Variants in ARID2 observed in about 807,000 individuals in gnomAD.
The protein encoded by ARID2 is AT-rich interactive domain-containing protein 2.
In ARID2, 32 loss-of-function variants were observed where a neutral mutation model predicts 184.6. That is an observed-to-expected ratio of 0.17 (90% CI 0.13 to 0.23). The LOEUF (loss-of-function observed/expected upper bound fraction) is 0.23, where lower values mean the gene tolerates loss of function less well. Ranked by LOEUF, ARID2 falls within the 10% of genes least tolerant of loss-of-function variation. The probability of loss-of-function intolerance (pLI) is 1.00; values close to 1 mark genes in which losing one functional copy is unlikely to be tolerated. For missense variants in ARID2, 1,696 were observed against 2,197.6 expected (o/e 0.77, Z 4.56); for synonymous variants, 836 against 772.6 (o/e 1.08, Z -1.36).
intron 3 of ARID2, among the ~76,000 whole-genome samples, chr12:45,736,974 A>G (rs971051833): frequency 3.3e-5 from 5 of 152,236 alleles, no homozygotes; most frequent in Non-Finnish European, 5.9e-5. Context: ...TTGTGCACCA[A>G]CCTAAGAGAT....
chr12:45,764,423 G>C (rs1053503953), intron 3 of ARID2, among the ~76,000 whole-genome samples: 2 of 152,062 alleles, frequency 1.3e-5, no homozygotes, highest in African/African-American at 4.8e-5. Flanking sequence ...TGCCTTGCAA[G>C]TTTTGACACA....
At chr12:45,825,195 A>G (rs187180333) in intron 6 of ARID2, among the ~76,000 whole-genome samples, 52 of 152,236 alleles carry the variant, frequency 3.4e-4, no homozygotes, top group Admixed American at 3.2e-3. Flanking sequence ...TAGCATGACT[A>G]TAGTTATCAA....
In ARID2 at chr12:45,905,940, C is replaced by CTTTTTTTTT. The variant is rs1362533296; in HGVS notation, c.*865_*873dup. 5.4e-5 allele frequency: 9 copies of CTTTTTTTTT among 166,966 alleles called. No homozygotes were observed. Among genetic ancestry groups the CTTTTTTTTT allele is most frequent in the African/African-American group, 2.0e-4 (7 of 35,832 alleles). The allele number at this position is 166,966 out of a possible 1,614,324, so 10.3% of individuals were successfully genotyped here. On this transcript the variant is annotated 3_prime_UTR_variant, in exon 21 of 21. Coordinates refer to ENST00000334344, the MANE Select transcript of ARID2 (RefSeq NM_152641.4). Reference sequence around the variant, plus strand: ...GAACTGTGATTTTTTTTTCTTTTTTCTTTTTTTTTTTCTTTTTTTTTTTGT... The same window carrying CTTTTTTTTT: ...GAACTGTGATTTTTTTTTCTTTTTTCTTTTTTTTTTTTTTTTTTTTCTTTTTTTTTTTGT...
At chr12:45,789,762 G>A (rs1217250688) in intron 3 of ARID2, 1 of 152,060 alleles carries the variant, frequency 6.6e-6, no homozygotes, top group Non-Finnish European at 1.5e-5. Flanking sequence ...TGTATTTCTG[G>A]AAATTGAACC....
intron 6 of ARID2, among the ~76,000 whole-genome samples, chr12:45,825,904 G>A (rs1942989616): frequency 6.6e-6 from 1 of 151,900 alleles, no homozygotes; most frequent in African/African-American, 2.4e-5. Context: ...CTTTCATGTA[G>A]ATCAGTATGA....
chr12:45,746,144 C>T (rs1941351871), intron 3 of ARID2, among the ~76,000 whole-genome samples: 1 of 150,782 alleles, frequency 6.6e-6, no homozygotes, highest in Admixed American at 6.6e-5. Context: ...TGCTCTGCCA[C>T]CCAGGCTGGA....
intron 4 of ARID2, among the ~76,000 whole-genome samples, chr12:45,812,359 T>C (rs1298791366): frequency 6.6e-6 from 1 of 152,170 alleles, no homozygotes; most frequent in Non-Finnish European, 1.5e-5. Flanking sequence ...TTGTGGACTA[T>C]CATCAGTATC....
chr12:45,782,589 G>A (rs1418026299), intron 3 of ARID2, among the ~76,000 whole-genome samples: 2 of 152,092 alleles, frequency 1.3e-5, no homozygotes, highest in African/African-American at 2.4e-5. Context: ...CCGAGATCGC[G>A]CCATTACACT....
intron 3 of ARID2, among the ~76,000 whole-genome samples, chr12:45,781,981 C>T (rs1942099575): frequency 6.6e-6 from 1 of 151,986 alleles, no homozygotes; most frequent in Non-Finnish European, 1.5e-5. Flanking sequence ...GCTGTTTCCT[C>T]AGTAACTGTT....
At chr12:45,869,440 A>G (rs1022895425) in intron 16 of ARID2, among the ~76,000 whole-genome samples, 3 of 151,522 alleles carry the variant, frequency 2.0e-5, no homozygotes. Context: ...GAGCTTCTTG[A>G]CTTTTCTTCG....
intron 20 of ARID2, among the ~76,000 whole-genome samples, chr12:45,900,055 T>A (rs1476573534): frequency 6.6e-6 from 1 of 151,904 alleles, no homozygotes; most frequent in Non-Finnish European, 1.5e-5. Flanking sequence ...ATGTTTTTCT[T>A]TCTCTTTTTT....
intron 3 of ARID2, among the ~76,000 whole-genome samples, chr12:45,786,205 A>T (rs1047171595): frequency 4.6e-5 from 7 of 152,270 alleles, no homozygotes; most frequent in African/African-American, 1.7e-4. Context: ...AATGAAAAAC[A>T]AAGGTAGTAA....
intron 3 of ARID2, among the ~76,000 whole-genome samples, chr12:45,781,974 G>A (rs1942099347): frequency 6.6e-6 from 1 of 152,096 alleles, no homozygotes; most frequent in African/African-American, 2.4e-5. Context: ...AAAACTTGCT[G>A]TTTCCTCAGT....
intron 5 of ARID2, among the ~76,000 whole-genome samples, 200 bp from the exon 6 acceptor site, chr12:45,821,220 G>A (rs1942888714): frequency 6.6e-6 from 1 of 151,718 alleles, no homozygotes; most frequent in African/African-American, 2.4e-5. Context: ...TAATTTGTAG[G>A]AACACAAATT....
chr12:45,777,744 T>C (rs945486581), intron 3 of ARID2, among the ~76,000 whole-genome samples: 15 of 150,694 alleles, frequency 1.0e-4, no homozygotes, highest in African/African-American at 3.6e-4. Flanking sequence ...TGTCGTAGAT[T>C]ATAGGGACTA....
chr12:45,775,201 T>C (rs1592068591), intron 3 of ARID2, among the ~76,000 whole-genome samples: 2 of 152,364 alleles, frequency 1.3e-5, no homozygotes, highest in South Asian at 4.1e-4. Context: ...TATATTTTCA[T>C]GCTAGTACTT....
intron 3 of ARID2, among the ~76,000 whole-genome samples, chr12:45,755,050 G>A (rs1301595574): frequency 6.6e-6 from 1 of 152,196 alleles, no homozygotes; most frequent in African/African-American, 2.4e-5. Context: ...AGTCTGTACA[G>A]TGTATTTTAA....
chr12:45,811,544 T>C lies in ARID2; in HGVS notation c.411T>C (p.Ser137=), dbSNP rs202109070. Residue 137 remains serine (S), a synonymous_variant, in exon 4 of 21, where the codon AGT becomes AGC. Transcript: ENST00000334344. ...CTTCCTACAATTACCAGCAACACAG[T>C]GTGTCGGGTAAATATCACTGCAAAT... ...IPSSYNYQQH[S]VSDYLRQSYG... 1.7e-5 allele frequency: 27 copies of C among 1,612,544 alleles called. No individual in the cohort carries two copies. Among genetic ancestry groups the C allele is most frequent in the Admixed American group, 6.7e-5 (4 of 59,746 alleles).
chr12:45,754,840 G>A (rs1429340380), intron 3 of ARID2, among the ~76,000 whole-genome samples: 1 of 152,206 alleles, frequency 6.6e-6, no homozygotes, highest in Non-Finnish European at 1.5e-5. Context: ...GTTACCTAAT[G>A]TGTGGCTAAT....
Sources: allele counts gnomAD v4.1 joint callset (sites outside exome capture counted in the v4.1 genomes callset), GRCh38; gene constraint gnomAD v4.1.1; transcripts MANE v1.5; gene names NCBI Gene and HGNC (gene_info 2026-07-23, HGNC 2026-07-21).